TEX15: variants seen among roughly 807,000 people sequenced by gnomAD.
The protein encoded by TEX15 is testis-expressed protein 15.
Under a neutral mutation model 237.3 loss-of-function variants are expected in TEX15, and 171 were observed. That is an observed-to-expected ratio of 0.72 (90% CI 0.64 to 0.82). The LOEUF (loss-of-function observed/expected upper bound fraction) is 0.82, where lower values mean the gene tolerates loss of function less well. TEX15 is among the 40% of genes least tolerant of loss of function. TEX15 has a pLI of 0.00. For missense variants in TEX15, 3,750 were observed against 3,646.5 expected, an observed-to-expected ratio of 1.03 and a Z score of -0.73; for synonymous variants, 1,338 against 1,269.8, an observed-to-expected ratio of 1.05 and a Z score of -1.14.
intron 10 of TEX15, 150 bp from the exon 11 acceptor site, chr8:30,833,473 T>C (rs1027622088): frequency 1.9e-6 from 1 of 534,574 alleles, no homozygotes; most frequent in Admixed American, 3.7e-5. Flanking sequence ...TCAGGTCCTA[T>C]GAAAGTTAAT....
intron 4 of TEX15, among the ~76,000 whole-genome samples, chr8:30,869,207 A>G (rs567426498): frequency 3.4e-4 from 52 of 152,138 alleles, no homozygotes; most frequent in African/African-American, 1.2e-3. Context: ...CAGGATCTAA[A>G]TCACGATTTT....
At chr8:30,838,792 A>G (rs1807373935) in intron 9 of TEX15, among the ~76,000 whole-genome samples, 1 of 89,554 alleles carries the variant, frequency 1.1e-5, no homozygotes, top group Non-Finnish European at 1.9e-5. Context: ...ATATATATAT[A>G]TATATATATA....
rs147007364 is a variant in TEX15 at position 30,836,982 on chromosome 8, G to A, written c.9302C>T (p.Ala3101Val). ...LLYSQYFTYFAGEPQANGFVP... is the reference protein window; with the variant it reads ...LLYSQYFTYFVGEPQANGFVP... ...AAAGCCATTTGCTTGTGGCTCCCCC[G>A]CAAAATAAGTAAAATATTGAGAGTA... is the stretch of plus-strand genomic sequence containing the variant. Residue 3101 changes from alanine (A) to valine (V), a missense_variant, in exon 10 of 11, where the codon GCG (alanine) becomes GTG (valine). Ala to Val is a moderately conservative substitution (Grantham distance 64, BLOSUM62 0). Coordinates refer to ENST00000643185, the MANE Select transcript of TEX15 (RefSeq NM_001350162.2). 18 of 1,614,036 alleles carry A rather than the reference G, an allele frequency of 1.1e-5. No homozygotes were observed. The highest frequency in any genetic ancestry group is 5.3e-5 in the African/African-American group (4 of 75,014).
chr8:30,848,679 G>A lies in TEX15; in HGVS notation c.1488C>T (p.Thr496=). The change falls in exon 8 of 11, where the codon ACC becomes ACT. Residue 496 remains threonine, a synonymous_variant. Transcript: ENST00000643185. ...CATTAACAGAAGTTTTAAAGCAAGGGGTATCCAAACCATTAGTAAGAACAG... is the reference window on the plus strand; with the variant it reads ...CATTAACAGAAGTTTTAAAGCAAGGAGTATCCAAACCATTAGTAAGAACAG... ...DCAVLTNGLD[T]PCFKTSVNDS... 2 of 1,614,088 alleles carry A rather than the reference G, an allele frequency of 1.2e-6. No homozygotes were observed. The highest frequency in any genetic ancestry group is 1.1e-5 in the South Asian group (1 of 91,078).
At chr8:30,885,827 G>A (rs553138376) in intron 3 of TEX15, among the ~76,000 whole-genome samples, 73 of 151,996 alleles carry the variant, frequency 4.8e-4, no homozygotes, top group Non-Finnish European at 8.4e-4. Flanking sequence ...CTGTAATAGT[G>A]GATTTCTCTA....
intron 9 of TEX15, among the ~76,000 whole-genome samples, chr8:30,839,352 C>T (rs528602473): frequency 6.6e-5 from 10 of 152,026 alleles, no homozygotes; most frequent in Non-Finnish European, 1.0e-4. Context: ...CTCAAAGTAT[C>T]GTATGGGAAT....
chr8:30,833,147 T>C lies in TEX15; in HGVS notation c.*139A>G, dbSNP rs1224559534. The C allele has an allele frequency of 5.3e-5, 32 of 605,212 alleles. No homozygotes were observed. In the East Asian group the frequency reaches 9.0e-4, roughly 17 times the overall value. 37.5% of individuals were successfully genotyped at this position (605,212 alleles called of 1,614,324 possible). On this transcript the variant is annotated 3_prime_UTR_variant, in exon 11 of 11. Transcript: ENST00000643185. Reference sequence around the variant, plus strand: ...TATGATATGTGTTAGATTATTTGTATATTTTACAAAGGACCATATGATTTA... The same window carrying C: ...TATGATATGTGTTAGATTATTTGTACATTTTACAAAGGACCATATGATTTA...
chr8:30,846,625 A>C lies in TEX15; in HGVS notation c.3542T>G (p.Phe1181Cys), dbSNP rs779822595. Reference protein sequence around the residue: ...TADSLALKDSFCTHVTEATKP... With the variant: ...TADSLALKDSCCTHVTEATKP... The stretch of plus-strand genomic sequence containing the variant: ...TGTGGCTTCAGTTACATGTGTGCAA[A>C]AACTATCTTTCAATGCAAGGGAGTC... Residue 1181 changes from phenylalanine to cysteine, a missense_variant, in exon 8 of 11, where the codon TTT (phenylalanine) becomes TGT (cysteine). Physicochemically the swap from Phe to Cys is radical, Grantham distance 205 (BLOSUM62 -2). Coordinates refer to ENST00000643185, the MANE Select transcript of TEX15 (RefSeq NM_001350162.2). 1.9e-6 allele frequency: 3 copies of C among 1,613,892 alleles called. No homozygotes were observed. In the South Asian group the frequency reaches 3.3e-5, roughly 18 times the overall value.
intron 1 of TEX15, among the ~76,000 whole-genome samples, chr8:30,907,648 A>ATG (rs1430954393): frequency 8.4e-5 from 12 of 143,472 alleles, no homozygotes; most frequent in African/African-American, 7.6e-5. Flanking sequence ...TCTAATTTAT[A>ATG]TATTATATAT....
rs367713464 is a variant in TEX15 at position 30,836,949 on chromosome 8, A to G, written c.9335T>C (p.Val3112Ala). 323 of 1,614,208 alleles carry G rather than the reference A, an allele frequency of 2.0e-4. 4 individuals are homozygous for G. In the South Asian group the frequency reaches 3.3e-3, roughly 17 times the overall value. Residue 3112 changes from valine to alanine, a missense_variant, in exon 10 of 11, where the codon GTG becomes GCG. Val to Ala is a moderately conservative substitution (Grantham distance 64). Coordinates refer to ENST00000643185, the MANE Select transcript of TEX15 (RefSeq NM_001350162.2). ...GEPQANGFVP[V>A]NGYFQSQIPA... ...TATTTGAGATTGAAAATACCCATTC[A>G]CTGGCACAAAGCCATTTGCTTGTGG... is the stretch of plus-strand genomic sequence containing the variant.
Position 30,910,019 on chromosome 8 carries a change from T to C in TEX15, c.-86+2860A>G, listed in dbSNP as rs1432796038. ...AAGCTATTTTGAAATAAATGAGAAATAGGAACATAGCAAAAGCAGACCAAA... is the reference window on the plus strand; with the variant it reads ...AAGCTATTTTGAAATAAATGAGAAACAGGAACATAGCAAAAGCAGACCAAA... On this transcript the variant is annotated intron_variant, in intron 1 of 10. Transcript: ENST00000643185. 2.6e-5 allele frequency among the ~76,000 whole-genome samples: 4 copies of C among 151,994 alleles called. No individual in the cohort carries two copies. The East Asian group carries it at 5.8e-4, about 22-fold the overall frequency.
rs182599823 is a variant in TEX15, at chr8:30,855,673, A to G, written c.850+2995T>C. Among the ~76,000 whole-genome samples, 44 of 152,326 alleles carry G rather than the reference A, an allele frequency of 2.9e-4. 1 individual carries two copies. Among genetic ancestry groups the G allele is most frequent in the South Asian group, 2.5e-3 (12 of 4,826 alleles). On this transcript the variant is annotated intron_variant, in intron 7 of 10. Coordinates refer to ENST00000643185, the MANE Select transcript of TEX15 (RefSeq NM_001350162.2). ...ATTCATAGCAGAATTTGTAATTGTC[A>G]AAAGATGGAAACAACCCAAATGTTG...
chr8:30,855,972 G>T (rs1807902391), intron 7 of TEX15, among the ~76,000 whole-genome samples: 1 of 151,994 alleles, frequency 6.6e-6, no homozygotes, highest in Non-Finnish European at 1.5e-5. Context: ...TTGAGACAGA[G>T]TTTTGCTCTT....
rs551343780 is a variant in TEX15, at chr8:30,844,846, G to A, written c.5321C>T (p.Ser1774Leu). The A allele has an allele frequency of 1.2e-6, 2 of 1,613,480 alleles. No individual in the cohort carries two copies. The highest frequency in any genetic ancestry group is 2.2e-5 in the East Asian group (1 of 44,868). The change falls in exon 8 of 11, where the codon TCA becomes TTA. Residue 1774 changes from serine (S) to leucine (L), a missense_variant. Transcript: ENST00000643185. ...KELLKTEQCSSGNCLHTDGNE... is the reference protein window; with the variant it reads ...KELLKTEQCSLGNCLHTDGNE... ...CCCATCTGTATGGAGGCAATTACCT[G>A]AAGAGCACTGTTCTGTCTTTAGAAG...
Position 30,858,662 on chromosome 8 carries a change from T to A in TEX15, c.850+6A>T. On this transcript the variant is annotated splice_donor_region_variant and intron_variant, in intron 7 of 10. Coordinates refer to ENST00000643185, the MANE Select transcript of TEX15 (RefSeq NM_001350162.2). The stretch of plus-strand genomic sequence containing the variant: ...TTAATCAAGTACAATCATATGTGTA[T>A]CTTACCAGCTCTCTTAGGAAATCCT... The A allele has an allele frequency of 6.5e-7, 1 of 1,527,654 alleles. No individual in the cohort carries two copies. The highest frequency in any genetic ancestry group is 8.7e-7 in the Non-Finnish European group (1 of 1,142,858). The allele number at this position is 1,527,654 out of a possible 1,614,324, so 94.6% of individuals were successfully genotyped here. A position where few individuals can be genotyped will look rare whatever the true frequency, so the allele number is the denominator to read the frequency against.
intron 8 of TEX15, among the ~76,000 whole-genome samples, chr8:30,840,696 T>C (rs1027614535): frequency 3.3e-5 from 5 of 152,204 alleles, no homozygotes; most frequent in Non-Finnish European, 5.9e-5. Context: ...TATTACTATA[T>C]ATACTTCTAC....
intron 9 of TEX15, among the ~76,000 whole-genome samples, chr8:30,839,117 G>T (rs1807387377): frequency 6.6e-6 from 1 of 152,020 alleles, no homozygotes; most frequent in South Asian, 2.1e-4. Flanking sequence ...CACCCAGCCA[G>T]TAATTAGATT....
intron 3 of TEX15, among the ~76,000 whole-genome samples, chr8:30,879,632 T>G (rs1808476671): frequency 6.6e-6 from 1 of 152,244 alleles, no homozygotes; most frequent in African/African-American, 2.4e-5. Flanking sequence ...GTTCCACAGA[T>G]CTGTGTGTCT....
chr8:30,859,408 T>A (rs1031090421), intron 6 of TEX15, among the ~76,000 whole-genome samples: 10 of 152,216 alleles, frequency 6.6e-5, no homozygotes, highest in African/African-American at 2.2e-4. Flanking sequence ...CCTTGTTTTT[T>A]AAAATTAATA....
Sources: gnomAD v4.1 joint callset for allele counts (sites outside exome capture counted in the v4.1 genomes callset) on GRCh38, gnomAD v4.1.1 for gene constraint, MANE v1.5 for transcripts, NCBI Gene and HGNC (gene_info 2026-07-23, HGNC 2026-07-21) for gene names.